ZMIZ1: variants seen among roughly 807,000 people sequenced by gnomAD.
The protein encoded by ZMIZ1 is zinc finger MIZ domain-containing protein 1.
ZMIZ1 carries 17 observed loss-of-function variants against 113.9 expected under a neutral mutation model. That is an observed-to-expected ratio of 0.15 (90% CI 0.10 to 0.22). The LOEUF (loss-of-function observed/expected upper bound fraction) is 0.22, where lower values mean the gene tolerates loss of function less well. Among genes scored for constraint, ZMIZ1 ranks in the 10% least tolerant of loss-of-function variants. The pLI, the probability that ZMIZ1 is intolerant of heterozygous loss-of-function variation, is 1.00. For missense variants in ZMIZ1, 1,059 were observed against 1,477.8 expected (o/e 0.72, Z 4.65); for synonymous variants, 607 against 603.1 (o/e 1.01, Z -0.09).
intron 1 of ZMIZ1, among the ~76,000 whole-genome samples, chr10:79,084,925 C>G (rs114331387): frequency 6.6e-6 from 1 of 152,066 alleles, no homozygotes; most frequent in African/African-American, 2.4e-5. Flanking sequence ...TAATCCAGGC[C>G]GGCTCACTCT....
intron 8 of ZMIZ1, among the ~76,000 whole-genome samples, chr10:79,281,739 G>A (rs756318230): frequency 2.2e-4 from 33 of 152,238 alleles, no homozygotes; most frequent in Non-Finnish European, 4.6e-4. Context: ...GCACAGGGAG[G>A]TGGAGGGCCT....
At chr10:79,150,276 TG>T (rs1014193974) in intron 3 of ZMIZ1, among the ~76,000 whole-genome samples, 8 of 152,180 alleles carry the variant, frequency 5.3e-5, no homozygotes, top group African/African-American at 1.9e-4. Flanking sequence ...TCTCTACGGC[TG>T]GCACTTCTCC....
At chr10:79,107,722 C>T (rs1036693447) in intron 1 of ZMIZ1, among the ~76,000 whole-genome samples, 1 of 152,152 alleles carries the variant, frequency 6.6e-6, no homozygotes, top group Non-Finnish European at 1.5e-5. Flanking sequence ...AGGGCACTGG[C>T]CTGATCCTGG....
chr10:79,293,913 G>A (rs1372335950), intron 12 of ZMIZ1: 6 of 579,898 alleles, frequency 1.0e-5, no homozygotes, highest in Non-Finnish European at 1.8e-5. Context: ...GCTTGGCCCT[G>A]GGCTGGCATG....
At chr10:79,303,944 G>T in intron 18 of ZMIZ1, 71 bp from the exon 19 acceptor site, 1 of 1,586,368 alleles carries the variant, frequency 6.3e-7, no homozygotes. Context: ...GAAGTGGGGA[G>T]CACGTGCAGA....
intron 5 of ZMIZ1, among the ~76,000 whole-genome samples, chr10:79,204,778 G>A (rs1199407803): frequency 3.3e-5 from 5 of 152,178 alleles, no homozygotes; most frequent in Non-Finnish European, 5.9e-5. Flanking sequence ...AGATGGGTGG[G>A]TGGGTGGACG....
chr10:79,125,396 G>A (rs1844471921), intron 2 of ZMIZ1, among the ~76,000 whole-genome samples: 1 of 152,220 alleles, frequency 6.6e-6, no homozygotes, highest in Admixed American at 6.5e-5. Flanking sequence ...AAGAGAGGTA[G>A]GTCTGGGTCT....
chr10:79,270,016 C>T (rs1240304339), intron 7 of ZMIZ1, among the ~76,000 whole-genome samples: 4 of 152,366 alleles, frequency 2.6e-5, no homozygotes, highest in African/African-American at 4.8e-5. Context: ...CACTCCTCTG[C>T]CTCTCACCTC....
At chr10:79,100,327 C>T (rs1023566588) in intron 1 of ZMIZ1, among the ~76,000 whole-genome samples, 1 of 151,244 alleles carries the variant, frequency 6.6e-6, no homozygotes, top group Admixed American at 6.6e-5. Context: ...CAGGTGAGGG[C>T]TGGGCATGGT....
intron 7 of ZMIZ1, among the ~76,000 whole-genome samples, chr10:79,273,623 G>T (rs1295659670): frequency 2.6e-5 from 4 of 152,200 alleles, no homozygotes; most frequent in Non-Finnish European, 5.9e-5. Context: ...CTCCCAAACT[G>T]CTGTGATTAC....
intron 1 of ZMIZ1, among the ~76,000 whole-genome samples, chr10:79,078,146 TG>T (rs112384213): frequency 7.6e-4 from 116 of 152,110 alleles, no homozygotes; most frequent in African/African-American, 2.3e-3. Flanking sequence ...GAGAGGGAGG[TG>T]TTGCATCTGG....
chr10:79,202,280 A>T (rs1316133676), intron 5 of ZMIZ1, among the ~76,000 whole-genome samples: 3 of 151,152 alleles, frequency 2.0e-5, no homozygotes, highest in African/African-American at 4.8e-5. Context: ...GAGAAAATTT[A>T]AAAATATTTA....
chr10:79,071,869 G>C (rs1842296484), intron 1 of ZMIZ1, among the ~76,000 whole-genome samples: 1 of 151,038 alleles, frequency 6.6e-6, no homozygotes, highest in South Asian at 2.1e-4. Flanking sequence ...CCAAAGGACA[G>C]AAGCGTCTCC....
At chr10:79,201,830 T>C in intron 5 of ZMIZ1, 138 bp downstream of exon 5, 1 of 907,806 alleles carries the variant, frequency 1.1e-6, no homozygotes. Flanking sequence ...ATTGGCATGC[T>C]GGCACTGACC....
intron 11 of ZMIZ1, 25 bp from the exon 12 acceptor site, chr10:79,293,356 G>A (rs761794483): frequency 3.4e-5 from 50 of 1,471,774 alleles, no homozygotes; most frequent in East Asian, 2.3e-4. Flanking sequence ...TTCTTCTCCC[G>A]TTGAAGGTCT....
chr10:79,242,653 C>T (rs1849905101), intron 7 of ZMIZ1, among the ~76,000 whole-genome samples: 1 of 150,816 alleles, frequency 6.6e-6, no homozygotes. Flanking sequence ...TGGGAGGATT[C>T]GCTGGGGGGC....
At chr10:79,150,125 G>T (rs1845653067) in intron 3 of ZMIZ1, among the ~76,000 whole-genome samples, 1 of 152,186 alleles carries the variant, frequency 6.6e-6, no homozygotes, top group Admixed American at 6.5e-5. Flanking sequence ...GGTGGCCTGG[G>T]CCTGAGCCAG....
intron 7 of ZMIZ1, among the ~76,000 whole-genome samples, chr10:79,240,296 G>C (rs1849765025): frequency 6.6e-6 from 1 of 152,254 alleles, no homozygotes; most frequent in Admixed American, 6.5e-5. Flanking sequence ...GAGCGCCTTT[G>C]TCTGCGGCCT....
rs560806165 is a variant in ZMIZ1 at position 79,087,289 on chromosome 10, C to G, written c.-337+18019C>G. Among the ~76,000 whole-genome samples the G allele has an allele frequency of 2.0e-5, 3 of 152,340 alleles. No homozygotes were observed. In the South Asian group the frequency reaches 6.2e-4, roughly 32 times the overall value. On this transcript the variant is annotated intron_variant, in intron 1 of 24. Transcript: ENST00000334512. Reference sequence around the variant, plus strand: ...GTGTTGGAGGAAGGGGAGCCTGGTTCTAATTCTCATAAAGCCACCTTGGAT... The same window carrying G: ...GTGTTGGAGGAAGGGGAGCCTGGTTGTAATTCTCATAAAGCCACCTTGGAT...
Sources: allele counts gnomAD v4.1 joint callset (sites outside exome capture counted in the v4.1 genomes callset), GRCh38; gene constraint gnomAD v4.1.1; transcripts MANE v1.5; gene names NCBI Gene and HGNC (gene_info 2026-07-23, HGNC 2026-07-21).